SNTG2: variants seen among roughly 807,000 people sequenced by gnomAD.
The protein encoded by SNTG2 is syntrophin gamma 2, also known as gamma-2-syntrophin.
SNTG2 carries 74 observed loss-of-function variants against 70.9 expected under a neutral mutation model. The ratio of observed to expected loss-of-function variants is 1.04; its 90% confidence interval spans 0.86 to 1.27. The LOEUF (loss-of-function observed/expected upper bound fraction) is 1.27, where lower values mean the gene tolerates loss of function less well. Ranked by LOEUF, SNTG2 falls within the 50% of genes most tolerant of loss-of-function variation. The pLI is 0.00. For synonymous variants in SNTG2, 278 were observed against 273.8 expected, an observed-to-expected ratio of 1.02 and a Z score of -0.15; for missense variants, 717 against 690.7, an observed-to-expected ratio of 1.04 and a Z score of -0.43.
chr2:979,966 A>G (rs1237929295), intron 1 of SNTG2, among the ~76,000 whole-genome samples: 1 of 152,190 alleles, frequency 6.6e-6, no homozygotes, highest in African/African-American at 2.4e-5. Context: ...TTAAGTATAT[A>G]AAAACAAACA....
chr2:1,014,984 G>T (rs13398764), intron 1 of SNTG2, among the ~76,000 whole-genome samples: 45,494 of 152,064 alleles, frequency 0.3, 7,047 homozygotes, highest in African/African-American at 0.34. Flanking sequence ...GGGGGCCCCG[G>T]GAGGGGGCTG....
At chr2:985,970 T>C (rs1213547922) in intron 1 of SNTG2, among the ~76,000 whole-genome samples, 1 of 152,096 alleles carries the variant, frequency 6.6e-6, no homozygotes, top group Non-Finnish European at 1.5e-5. Context: ...TTTATTTTTC[T>C]GAGAAGCAAA....
chr2:1,182,590 G>C (rs943789395), intron 8 of SNTG2, among the ~76,000 whole-genome samples: 1 of 152,150 alleles, frequency 6.6e-6, no homozygotes, highest in Non-Finnish European at 1.5e-5. Context: ...TGCCTCCCAG[G>C]CAGAGATAGC....
At chr2:1,326,958 T>A (rs1043414765) in intron 16 of SNTG2, among the ~76,000 whole-genome samples, 2 of 152,034 alleles carry the variant, frequency 1.3e-5, no homozygotes, top group African/African-American at 4.8e-5. Context: ...CACTTTCCTG[T>A]AATAAAATCA....
chr2:1,219,712 AG>A (rs1417146378), intron 9 of SNTG2, among the ~76,000 whole-genome samples: 2 of 124,102 alleles, frequency 1.6e-5, no homozygotes, highest in African/African-American at 6.0e-5. Context: ...AGGGGAGGCG[AG>A]GGGAGGGGAG....
intron 1 of SNTG2, among the ~76,000 whole-genome samples, chr2:984,838 C>T (rs1661252256): frequency 6.6e-6 from 1 of 152,182 alleles, no homozygotes; most frequent in South Asian, 2.1e-4. Flanking sequence ...GAACCCAGAC[C>T]TTAGGTCTTC....
chr2:1,172,824 C>T (rs1020923007), intron 7 of SNTG2, among the ~76,000 whole-genome samples: 5 of 152,182 alleles, frequency 3.3e-5, no homozygotes, highest in Non-Finnish European at 5.9e-5. Flanking sequence ...TGGGGGCACA[C>T]CTTCCTGATG....
At chr2:1,283,062 G>A (rs967820955) in intron 14 of SNTG2, among the ~76,000 whole-genome samples, 1 of 152,084 alleles carries the variant, frequency 6.6e-6, no homozygotes, top group Non-Finnish European at 1.5e-5. Context: ...TCCATGCACC[G>A]CCCACACCTA....
chr2:1,224,991 G>A (rs185638716), intron 9 of SNTG2, among the ~76,000 whole-genome samples: 35 of 152,352 alleles, frequency 2.3e-4, no homozygotes, highest in Admixed American at 2.1e-3. Context: ...TGTGTAAGCA[G>A]TGGCCATTCA....
chr2:1,341,084 G>T (rs1481691676), intron 16 of SNTG2: 3 of 152,200 alleles, frequency 2.0e-5, no homozygotes, highest in African/African-American at 7.2e-5. Context: ...ACCTTTGGCT[G>T]CCAAGGGAGG....
chr2:1,359,059 C>CT (rs1325926011), intron 16 of SNTG2, among the ~76,000 whole-genome samples: 5 of 151,822 alleles, frequency 3.3e-5, no homozygotes, highest in African/African-American at 9.7e-5. Flanking sequence ...CATTTTCAGA[C>CT]TTTTTTTTGG....
chr2:1,192,314 G>C (rs1672644437), intron 8 of SNTG2, among the ~76,000 whole-genome samples: 1 of 152,162 alleles, frequency 6.6e-6, no homozygotes, highest in Non-Finnish European at 1.5e-5. Flanking sequence ...TGCAGCGGGT[G>C]CCAAGATCAT....
intron 1 of SNTG2, among the ~76,000 whole-genome samples, chr2:991,593 C>T (rs1199795548): frequency 6.6e-6 from 1 of 152,090 alleles, no homozygotes; most frequent in African/African-American, 2.4e-5. Flanking sequence ...GTTTTTTGCT[C>T]CAGGTAGCAC....
intron 4 of SNTG2, among the ~76,000 whole-genome samples, chr2:1,106,017 A>G (rs12465969): frequency 0.23 from 26,804 of 118,658 alleles, 2,908 homozygotes; most frequent in East Asian, 0.32. Flanking sequence ...CTTGGTAATA[A>G]TGGACACGTG....
At chr2:1,312,318 C>T (rs1681037821) in intron 15 of SNTG2, among the ~76,000 whole-genome samples, 1 of 152,198 alleles carries the variant, frequency 6.6e-6, no homozygotes, top group Non-Finnish European at 1.5e-5. Context: ...CGTCCAAGCG[C>T]AGTCCAGGCC....
chr2:1,154,191 G>A (rs868415320), intron 6 of SNTG2, among the ~76,000 whole-genome samples: 2 of 152,020 alleles, frequency 1.3e-5, no homozygotes, highest in Non-Finnish European at 2.9e-5. Flanking sequence ...AGCATGGTTG[G>A]GGGGAGAAGG....
chr2:1,071,679 C>T (rs1460564129), intron 1 of SNTG2, among the ~76,000 whole-genome samples: 2 of 151,430 alleles, frequency 1.3e-5, no homozygotes, highest in Non-Finnish European at 2.9e-5. Flanking sequence ...GAAGATCAAG[C>T]TTAGTGAGGG....
intron 16 of SNTG2, among the ~76,000 whole-genome samples, chr2:1,334,608 A>G (rs1558214972): frequency 6.6e-6 from 1 of 152,242 alleles, no homozygotes; most frequent in South Asian, 2.1e-4. Flanking sequence ...ATATTACTCA[A>G]CCATACAAAG....
chr2:1,309,916 T>C (rs13415907), intron 15 of SNTG2, among the ~76,000 whole-genome samples: 2,124 of 152,326 alleles, frequency 0.014, 47 homozygotes, highest in African/African-American at 0.047. Context: ...ATGGACCTGC[T>C]GGTTCCAGTC....
Sources: gnomAD v4.1 joint callset for allele counts (sites outside exome capture counted in the v4.1 genomes callset) on GRCh38, gnomAD v4.1.1 for gene constraint, MANE v1.5 for transcripts, NCBI Gene and HGNC (gene_info 2026-07-23, HGNC 2026-07-21) for gene names.